WNT9B: variants seen among roughly 807,000 people sequenced by gnomAD.
The protein encoded by WNT9B is Wnt family member 9B.
A neutral mutation model predicts 30.2 loss-of-function variants in WNT9B; 12 were observed. The observed-to-expected ratio is 0.40, with a 90% CI of 0.26 to 0.64. The LOEUF (loss-of-function observed/expected upper bound fraction) is 0.64. Ranked by LOEUF, WNT9B falls within the 30% of genes least tolerant of loss-of-function variation. The pLI, the probability that WNT9B is intolerant of heterozygous loss-of-function variation, is 0.42. For synonymous variants in WNT9B, 218 were observed against 216.9 expected (o/e 1.01, Z -0.05); for missense variants, 442 against 485.2 (o/e 0.91, Z 0.84).
chr17:46,885,309 A>T (rs766260340), downstream of WNT9B: 146 of 210,124 alleles, frequency 6.9e-4, no homozygotes, highest in Non-Finnish European at 1.1e-3. Context: ...CCTGGCCAGC[A>T]TTTTTTTTTT....
chr17:46,876,597 G>A lies in WNT9B; in HGVS notation c.953G>A (p.Arg318Gln), dbSNP rs375590479. The A allele has an allele frequency of 2.0e-5, 33 of 1,613,122 alleles. No individual in the cohort carries two copies. The highest frequency in any genetic ancestry group is 3.3e-5 in the Admixed American group (2 of 59,994). The change falls in exon 4 of 4, where the codon CGG becomes CAG. Residue 318 changes from arginine to glutamine, a missense_variant. Physicochemically the swap from Arg to Gln is conservative, Grantham distance 43. Coordinates refer to ENST00000290015, the MANE Select transcript of WNT9B (RefSeq NM_003396.3). The part of the protein sequence containing the change: ...EASCSSLCCG[R>Q]GYDTQSRLVA... The stretch of plus-strand genomic sequence containing the variant: ...AGCTGCAGCAGCCTGTGCTGCGGGC[G>A]GGGCTATGACACCCAGAGCCGCCTG...
rs781676873 is a variant in WNT9B, at chr17:46,876,521, C to T, written c.877C>T (p.Pro293Ser). ...YMEDSPSFCR[P>S]SKYSPGTAGR... The stretch of plus-strand genomic sequence containing the variant: ...GGAGGACTCACCCAGCTTCTGCCGG[C>T]CCAGCAAGTACTCACCTGGCACAGC... The change falls in exon 4 of 4, where the codon CCC becomes TCC. Residue 293 changes from proline to serine, a missense_variant. By Grantham distance (74) the Pro-to-Ser change is moderately conservative. Coordinates refer to ENST00000290015, the MANE Select transcript of WNT9B (RefSeq NM_003396.3). The T allele has an allele frequency of 3.1e-6, 5 of 1,613,642 alleles. No individual in the cohort carries two copies. The Middle Eastern group carries it at 6.6e-4, about 213-fold the overall frequency.
At chr17:46,858,191 A>G (rs1213676192) in intron 1 of WNT9B, among the ~76,000 whole-genome samples, 1 of 152,174 alleles carries the variant, frequency 6.6e-6, no homozygotes, top group African/African-American at 2.4e-5. Flanking sequence ...CGGCCTCCCA[A>G]AGTGCTGGGA....
chr17:46,864,918 C>T (rs1409393410), intron 1 of WNT9B, among the ~76,000 whole-genome samples: 7 of 152,132 alleles, frequency 4.6e-5, no homozygotes, highest in Non-Finnish European at 2.9e-5. Context: ...ACTTCTGGGC[C>T]GGGTGACCTT....
intron 1 of WNT9B, among the ~76,000 whole-genome samples, chr17:46,864,763 C>A (rs949437133): frequency 5.3e-5 from 8 of 152,182 alleles, no homozygotes; most frequent in Non-Finnish European, 1.0e-4. Context: ...ACAGACCCAG[C>A]CCTGCTACCA....
intron 1 of WNT9B, among the ~76,000 whole-genome samples, chr17:46,835,160 A>G (rs1050473693): frequency 6.6e-6 from 1 of 151,892 alleles, no homozygotes; most frequent in Non-Finnish European, 1.5e-5. Context: ...ACACCTGGCT[A>G]ATTTTTTTTT....
At chr17:46,873,988 C>CA (rs397857419) in intron 2 of WNT9B, among the ~76,000 whole-genome samples, 2,040 of 69,492 alleles carry the variant, frequency 0.029, 16 homozygotes, top group African/African-American at 0.036. Context: ...GACTCTGTCT[C>CA]AAAAAAAAAA....
chr17:46,873,827 T>C (rs2085296584), intron 2 of WNT9B, among the ~76,000 whole-genome samples: 1 of 151,898 alleles, frequency 6.6e-6, no homozygotes, highest in African/African-American at 2.4e-5. Context: ...CCATCTCTAC[T>C]AAAAATACAA....
downstream of WNT9B, among the ~76,000 whole-genome samples, chr17:46,884,138 T>C (rs192972995): frequency 7.2e-4 from 110 of 152,204 alleles, no homozygotes; most frequent in African/African-American, 2.6e-3. Flanking sequence ...AGAGCAACGG[T>C]AGCCCCCCGG....
intron 1 of WNT9B, among the ~76,000 whole-genome samples, chr17:46,835,456 C>T (rs2084616917): frequency 1.3e-5 from 2 of 152,132 alleles, no homozygotes; most frequent in Admixed American, 6.5e-5. Flanking sequence ...CGTGATCCAC[C>T]CACCTCGGCC....
At chr17:46,869,175 C>G (rs1367383444) in intron 1 of WNT9B, among the ~76,000 whole-genome samples, 1 of 152,310 alleles carries the variant, frequency 6.6e-6, no homozygotes, top group South Asian at 2.1e-4. Context: ...GGCTACCTTT[C>G]CTGGTCATTA....
chr17:46,872,253 A>T (rs2085257336), intron 1 of WNT9B, among the ~76,000 whole-genome samples: 1 of 152,238 alleles, frequency 6.6e-6, no homozygotes, highest in Admixed American at 6.5e-5. Flanking sequence ...TGATTTTTCT[A>T]ACTGGGCCAA....
chr17:46,847,659 G>A (rs1477929064), upstream of WNT9B, among the ~76,000 whole-genome samples: 2 of 152,178 alleles, frequency 1.3e-5, no homozygotes, highest in East Asian at 3.9e-4. Context: ...GTCAGCATGG[G>A]CACCTTCCCT....
Position 46,872,570 on chromosome 17 carries a change from C to T in WNT9B, c.131C>T (p.Ala44Val), listed in dbSNP as rs766830702. 3.8e-6 allele frequency: 6 copies of T among 1,598,166 alleles called. No homozygotes were observed. Among genetic ancestry groups the T allele is most frequent in the Non-Finnish European group, 5.1e-6 (6 of 1,170,860 alleles). Reference sequence around the variant, plus strand: ...TTCCCAGGATTGGGCACTGCGGCAGCCCCGGCACAGGGCGGGGCCCACCTG... The same window carrying T: ...TTCCCAGGATTGGGCACTGCGGCAGTCCCGGCACAGGGCGGGGCCCACCTG... Reference protein sequence around the residue: ...TPFPGLGTAAAPAQGGAHLKQ... With the variant: ...TPFPGLGTAAVPAQGGAHLKQ... Residue 44 changes from alanine (A) to valine (V), a missense_variant, in exon 2 of 4, where the codon GCC becomes GTC. Physicochemically the swap from Ala to Val is moderately conservative, Grantham distance 64. Coordinates refer to ENST00000290015, the MANE Select transcript of WNT9B (RefSeq NM_003396.3).
upstream of WNT9B, among the ~76,000 whole-genome samples, chr17:46,849,142 G>T (rs532845848): frequency 3.3e-5 from 5 of 152,362 alleles, no homozygotes; most frequent in East Asian, 9.6e-4. Flanking sequence ...GGGAACCCAA[G>T]GGTGGGGCCA....
upstream of WNT9B, among the ~76,000 whole-genome samples, chr17:46,848,947 CACAG>C (rs2084807747): frequency 6.6e-6 from 1 of 152,134 alleles, no homozygotes; most frequent in Non-Finnish European, 1.5e-5. Flanking sequence ...CACACACACA[CACAG>C]AGCTTGGTAC....
At chr17:46,846,237 A>G (rs1266539136) in intron 1 of WNT9B, among the ~76,000 whole-genome samples, 1 of 152,216 alleles carries the variant, frequency 6.6e-6, no homozygotes, top group Non-Finnish European at 1.5e-5. Flanking sequence ...ACATTATAAA[A>G]TCAGAGGCAG....
At chr17:46,835,715 G>A (rs910291611) in intron 1 of WNT9B, among the ~76,000 whole-genome samples, 8 of 152,266 alleles carry the variant, frequency 5.3e-5, no homozygotes, top group African/African-American at 1.9e-4. Context: ...GTGGGTTAGG[G>A]ATGAGTTGTT....
At chr17:46,840,075 C>T (rs1013866665) in intron 1 of WNT9B, among the ~76,000 whole-genome samples, 39 of 143,320 alleles carry the variant, frequency 2.7e-4, no homozygotes, top group African/African-American at 8.3e-4. Flanking sequence ...TTCTTTCCTT[C>T]CTTCATTCCT....
Sources: gnomAD v4.1 joint callset for allele counts (sites outside exome capture counted in the v4.1 genomes callset) on GRCh38, gnomAD v4.1.1 for gene constraint, MANE v1.5 for transcripts, NCBI Gene and HGNC (gene_info 2026-07-23, HGNC 2026-07-21) for gene names.